The following ANKS3 variants were observed in gnomAD, a reference collection of about 807,000 sequenced individuals.
ANKS3 encodes ankyrin repeat and sterile alpha motif domain containing 3, also known as ankyrin repeat and SAM domain-containing protein 3.
ANKS3 carries 62 observed loss-of-function variants against 80.7 expected under a neutral mutation model. The ratio of observed to expected loss-of-function variants is 0.77; its 90% CI spans 0.63 to 0.95. The LOEUF is 0.95. Ranked by LOEUF, ANKS3 falls within the 40% of genes least tolerant of loss-of-function variation. ANKS3 has a pLI of 0.00. For missense variants in ANKS3, 1,150 were observed against 883.6 expected (o/e 1.30, Z -3.82); for synonymous variants, 489 against 355.3 (o/e 1.38, Z -4.23).
intron 6 of ANKS3, among the ~76,000 whole-genome samples, chr16:4,720,452 A>C (rs1369510771): frequency 6.8e-6 from 1 of 147,172 alleles, no homozygotes; most frequent in African/African-American, 2.5e-5. Flanking sequence ...ACAGAGAGAG[A>C]CTCCATCTCA....
chr16:4,709,187 A>G (rs902047495), intron 7 of ANKS3, among the ~76,000 whole-genome samples: 2 of 151,736 alleles, frequency 1.3e-5, no homozygotes, highest in Non-Finnish European at 2.9e-5. Flanking sequence ...CGGGTGGACC[A>G]CCTTATGTCG....
chr16:4,713,129 G>A (rs769163227), intron 7 of ANKS3, among the ~76,000 whole-genome samples: 2 of 151,990 alleles, frequency 1.3e-5, no homozygotes, highest in Admixed American at 1.3e-4. Flanking sequence ...AAATTAGCCG[G>A]GCATGGTGGT....
At chr16:4,697,632 C>T (rs1476570097) in intron 15 of ANKS3, among the ~76,000 whole-genome samples, 1 of 152,230 alleles carries the variant, frequency 6.6e-6, no homozygotes, top group Non-Finnish European at 1.5e-5. Context: ...CGGGTCAGCC[C>T]GAGAGAAGGC....
intron 8 of ANKS3, among the ~76,000 whole-genome samples, chr16:4,704,632 A>T (rs1318991635): frequency 6.6e-6 from 1 of 152,194 alleles, no homozygotes; most frequent in Admixed American, 6.5e-5. Flanking sequence ...CTCTCTCAGG[A>T]GGGTCTGAGT....
At chr16:4,706,448 G>A (rs933976477) in intron 7 of ANKS3, among the ~76,000 whole-genome samples, 1 of 152,076 alleles carries the variant, frequency 6.6e-6, no homozygotes, top group East Asian at 1.9e-4. Flanking sequence ...TGTTGGCCAG[G>A]CTGGTCTCGA....
Position 4,701,060 on chromosome 16 carries a change from G to T in ANKS3, c.1194C>A (p.Ser398Arg), listed in dbSNP as rs151280564. The change falls in exon 11 of 18, where the codon AGC becomes AGA. Residue 398 changes from serine to arginine, a missense_variant. Physicochemically the swap from Ser to Arg is moderately radical, Grantham distance 110. Coordinates refer to ENST00000304283, the MANE Select transcript of ANKS3 (RefSeq NM_133450.4). ...KSYMKTKNPD[S>R]QWPPRAATDR... ...CAGTTGCAGCGCGGGGAGGCCACTG[G>T]CTGTCAGGATTCTTGGTCTTCATGT... The T allele has an allele frequency of 1.4e-5, 23 of 1,613,974 alleles. No homozygotes were observed. Among genetic ancestry groups the T allele is most frequent in the Non-Finnish European group, 1.7e-5 (20 of 1,180,036 alleles).
Position 4,719,901 on chromosome 16 carries a change from C to T in ANKS3, c.573+4849G>A, listed in dbSNP as rs2080998823. On this transcript the variant is annotated intron_variant, in intron 6 of 17. Coordinates refer to ENST00000304283, the MANE Select transcript of ANKS3 (RefSeq NM_133450.4). ...CATCCTGGCCAGGCACAGTGGCTCA[C>T]GCCTGTAATCCCAGCACTTTGGGAG... 4.6e-5 allele frequency among the ~76,000 whole-genome samples: 7 copies of T among 151,824 alleles called. No homozygotes were observed. In the South Asian group the frequency reaches 1.0e-3, roughly 23 times the overall value.
At chr16:4,697,438 C>A in intron 15 of ANKS3, 22 bp from the exon 16 acceptor site, 1 of 1,569,252 alleles carries the variant, frequency 6.4e-7, no homozygotes, top group Non-Finnish European at 8.6e-7. Flanking sequence ...GTGCAGGGAC[C>A]GAGTTAGCTG....
At chr16:4,719,512 G>C (rs1421755605) in intron 6 of ANKS3, among the ~76,000 whole-genome samples, 1 of 151,710 alleles carries the variant, frequency 6.6e-6, no homozygotes, top group East Asian at 2.0e-4. Flanking sequence ...ATCTGTCAAA[G>C]AATTATCTGG....
At chr16:4,732,813 G>C (rs567915905) in intron 1 of ANKS3, among the ~76,000 whole-genome samples, 1 of 151,800 alleles carries the variant, frequency 6.6e-6, no homozygotes, top group Non-Finnish European at 1.5e-5. Flanking sequence ...TTCTGAAAAT[G>C]CTAAGTATCT....
chr16:4,713,220 A>T (rs2080593398), intron 7 of ANKS3, among the ~76,000 whole-genome samples: 1 of 152,132 alleles, frequency 6.6e-6, no homozygotes, highest in Non-Finnish European at 1.5e-5. Context: ...GTGAGGCAAG[A>T]TCGCTTCATT....
chr16:4,716,596 A>C lies in ANKS3; in HGVS notation c.574-2410T>G, dbSNP rs17137208. On this transcript the variant is annotated intron_variant, in intron 6 of 17. Transcript: ENST00000304283. ...CATCCTACTTTTGACTCTGATTAAAAATTACCTATGAGACTTTGTGCCTTA... is the reference window on the plus strand; with the variant it reads ...CATCCTACTTTTGACTCTGATTAAACATTACCTATGAGACTTTGTGCCTTA... Among the ~76,000 whole-genome samples, 3,119 of 152,080 alleles carry C rather than the reference A, an allele frequency of 0.021. 257 individuals carry two copies. In the East Asian group the frequency reaches 0.23, roughly 11 times the overall value.
At chr16:4,718,453 C>T (rs914967135) in intron 6 of ANKS3, among the ~76,000 whole-genome samples, 13 of 152,194 alleles carry the variant, frequency 8.5e-5, no homozygotes, top group African/African-American at 2.7e-4. Flanking sequence ...TGGGGCTTGG[C>T]CCCACTGGCA....
At chr16:4,711,205 G>A (rs1478911179) in intron 7 of ANKS3, among the ~76,000 whole-genome samples, 3 of 149,086 alleles carry the variant, frequency 2.0e-5, no homozygotes. Context: ...CCGGGTTCAA[G>A]GGATTCTCCC....
At position 4,699,191 on chromosome 16, in the gene ANKS3, G is replaced by GCT; in HGVS notation, c.1285-16_1285-15insAG. 3 of 1,613,552 alleles carry GCT rather than the reference G, an allele frequency of 1.9e-6. No individual in the cohort carries two copies. The highest frequency in any genetic ancestry group is 2.5e-6 in the Non-Finnish European group (3 of 1,179,862). The stretch of plus-strand genomic sequence containing the variant: ...GCGGCAAGGTCCTGGCAGGCACAGG[G>GCT]GACAGGTTGGGGGAGGTAGTGGCTG... On this transcript the variant is annotated splice_polypyrimidine_tract_variant and intron_variant, in intron 11 of 17. Coordinates refer to ENST00000304283, the MANE Select transcript of ANKS3 (RefSeq NM_133450.4).
intron 1 of ANKS3, among the ~76,000 whole-genome samples, chr16:4,733,199 T>C (rs936548723): frequency 4.4e-5 from 2 of 45,222 alleles, no homozygotes; most frequent in Non-Finnish European, 8.0e-5. Flanking sequence ...CGAGACTCCG[T>C]CTCAAAAAAA....
At chr16:4,715,482 GCTACT>G (rs1216151244) in intron 6 of ANKS3, among the ~76,000 whole-genome samples, 1 of 152,168 alleles carries the variant, frequency 6.6e-6, no homozygotes, top group Admixed American at 6.5e-5. Context: ...TGTAGTCCCA[GCTACT>G]CAGGAGGCTG....
At position 4,698,456 on chromosome 16, in the gene ANKS3, C is replaced by G. The variant is rs79936810; in HGVS notation, c.1695G>C (p.Arg565=). 1.9e-4 allele frequency: 287 copies of G among 1,540,246 alleles called. No homozygotes were observed. The East Asian group carries it at 3.9e-3, about 21-fold the overall frequency. ...GCTGGTCCAGGACGAGGGCAGCATC[C>G]CGGGCCAGGGCCCACGTCTCCCGCA... The part of the protein sequence containing the change: ...ARLRETWALA[R]DAALVLDQLR... The change falls in exon 14 of 18, where the codon CGG becomes CGC. Residue 565 remains arginine (R), a synonymous_variant. Transcript: ENST00000304283.
At position 4,698,910 on chromosome 16, in the gene ANKS3, C is replaced by A; in HGVS notation, c.1441G>T (p.Ala481Ser). ...GCACTGCTGTGCCAGCGGGCAATGGCGGACGTCATCTTCCTCTTGGGCCCA... is the reference window on the plus strand; with the variant it reads ...GCACTGCTGTGCCAGCGGGCAATGGAGGACGTCATCTTCCTCTTGGGCCCA... The part of the protein sequence containing the change: ...LFGPKRKMTS[A>S]IARWHSSARP... The change falls in exon 13 of 18, where the codon GCC becomes TCC. Residue 481 changes from alanine (A) to serine (S), a missense_variant. By Grantham distance (99) the Ala-to-Ser change is moderately conservative. Transcript: ENST00000304283. 1 of 1,598,222 alleles carries A rather than the reference C, an allele frequency of 6.3e-7. No individual in the cohort carries two copies. Among genetic ancestry groups the A allele is most frequent in the Non-Finnish European group, 8.5e-7 (1 of 1,170,722 alleles).
Sources: allele counts gnomAD v4.1 joint callset (sites outside exome capture counted in the v4.1 genomes callset), GRCh38; gene constraint gnomAD v4.1.1; transcripts MANE v1.5; gene names NCBI Gene and HGNC (gene_info 2026-07-23, HGNC 2026-07-21).